AZIN2: variants seen among roughly 807,000 people sequenced by gnomAD.
AZIN2 encodes the protein ODC antizyme inhibitor-2.
In AZIN2, 28 loss-of-function variants were observed where a neutral mutation model predicts 47.8. That is an observed-to-expected ratio of 0.59 (90% CI 0.43 to 0.80). The LOEUF is 0.80. Ranked by LOEUF, AZIN2 falls within the 30% of genes least tolerant of loss-of-function variation. The probability of loss-of-function intolerance (pLI) is 0.00; values close to 1 mark genes in which losing one functional copy is unlikely to be tolerated. For missense variants in AZIN2, 535 were observed against 582.5 expected (o/e 0.92, Z 0.84); for synonymous variants, 221 against 239.4 (o/e 0.92, Z 0.71).
At chr1:33,144,299 G>A in the AZIN2 span, among the ~76,000 whole-genome samples, 1 of 152,130 alleles carries the variant, frequency 6.6e-6, no homozygotes, top group Non-Finnish European at 1.5e-5. Context: ...CACCACACCC[G>A]GCTAATTTTG....
At chr1:33,087,449 T>A (rs1392401857) in intron 5 of AZIN2, among the ~76,000 whole-genome samples, 14 of 148,460 alleles carry the variant, frequency 9.4e-5, no homozygotes, top group East Asian at 8.1e-4. Context: ...ATATATATTT[T>A]TTTTTGAGAC....
the AZIN2 span, among the ~76,000 whole-genome samples, chr1:33,129,890 GC>G: frequency 6.6e-6 from 1 of 152,088 alleles, no homozygotes; most frequent in Non-Finnish European, 1.5e-5. The surrounding 1 kb of genome is among the most constrained non-coding windows in gnomAD (Gnocchi z 4.1). Flanking sequence ...ACGGAGTTTT[GC>G]TTTTGTTGGT....
Position 33,082,174 on chromosome 1 carries a change from G to C in AZIN2, c.-72-4G>C. 8.2e-7 allele frequency: 1 copy of C among 1,221,746 alleles called. No individual in the cohort carries two copies. Among genetic ancestry groups the C allele is most frequent in the Non-Finnish European group, 1.2e-6 (1 of 841,374 alleles). The allele number at this position is 1,221,746 out of a possible 1,614,324, so 75.7% of individuals were successfully genotyped here. On this transcript the variant is annotated splice_region_variant and splice_polypyrimidine_tract_variant and intron_variant, in intron 3 of 11. Transcript: ENST00000294517. ...GGTTCCCTTCATCTCCCCTCGCCCC[G>C]CAGTGTGTTGCATACTTTCTAAGGC...
chr1:33,138,228 T>C, the AZIN2 span, among the ~76,000 whole-genome samples: 1 of 152,140 alleles, frequency 6.6e-6, no homozygotes, highest in Admixed American at 6.5e-5. Context: ...AGTAGGCTTC[T>C]AAGGTGGCCC....
intron 10 of AZIN2, among the ~76,000 whole-genome samples, chr1:33,117,213 C>T (rs578041982): frequency 6.6e-6 from 1 of 152,258 alleles, no homozygotes; most frequent in Non-Finnish European, 1.5e-5. Context: ...TGCCAGGTCC[C>T]CCTGTGATTG....
At chr1:33,102,907 C>T (rs1368947011) in intron 10 of AZIN2, among the ~76,000 whole-genome samples, 1 of 152,204 alleles carries the variant, frequency 6.6e-6, no homozygotes, top group African/African-American at 2.4e-5. Flanking sequence ...ATAGCACTGC[C>T]ACTAGCCAAC....
At chr1:33,109,794 C>A (rs372979644) in intron 10 of AZIN2, among the ~76,000 whole-genome samples, 1 of 151,934 alleles carries the variant, frequency 6.6e-6, no homozygotes. Flanking sequence ...TTGCCTCCCC[C>A]CTGCTAAACT....
chr1:33,097,481 C>T (rs1162860473), intron 9 of AZIN2, among the ~76,000 whole-genome samples: 1 of 152,162 alleles, frequency 6.6e-6, no homozygotes, highest in African/African-American at 2.4e-5. Flanking sequence ...TCAGGGATAG[C>T]AGCCTGTGAG....
the AZIN2 span, among the ~76,000 whole-genome samples, chr1:33,151,794 C>A: frequency 2.0e-5 from 3 of 152,176 alleles, no homozygotes; most frequent in African/African-American, 7.2e-5. Flanking sequence ...TGTGGAGGTC[C>A]CAGGAGATGT....
the AZIN2 span, among the ~76,000 whole-genome samples, chr1:33,156,954 C>T: frequency 5.3e-5 from 8 of 150,914 alleles, no homozygotes; most frequent in African/African-American, 2.0e-4. Flanking sequence ...CTACCACCAC[C>T]CTGCTTCACG....
chr1:33,126,082 T>C (rs1644854678), downstream of AZIN2, among the ~76,000 whole-genome samples: 1 of 152,238 alleles, frequency 6.6e-6, no homozygotes, highest in Admixed American at 6.5e-5. Context: ...TTTTCCTCCA[T>C]AGATCACTGT....
the AZIN2 span, among the ~76,000 whole-genome samples, chr1:33,152,554 T>C: frequency 1 from 146,610 of 147,034 alleles, 73,093 homozygotes; most frequent in Middle Eastern, 1. Context: ...GCAACAAGAG[T>C]GAAACTCCGT....
At chr1:33,147,571 G>T in the AZIN2 span, 1 of 1,613,986 alleles carries the variant, frequency 6.2e-7, no homozygotes, top group Non-Finnish European at 8.5e-7. The surrounding 1 kb of genome is among the most constrained non-coding windows in gnomAD (Gnocchi z 8.1). Flanking sequence ...ACTACTGAAG[G>T]CTTCAGAACC....
chr1:33,117,892 C>T lies in AZIN2; in HGVS notation c.1030-10C>T. 1.9e-6 allele frequency: 3 copies of T among 1,614,210 alleles called. No individual in the cohort carries two copies. Among genetic ancestry groups the T allele is most frequent in the Non-Finnish European group, 2.5e-6 (3 of 1,180,008 alleles). On this transcript the variant is annotated splice_polypyrimidine_tract_variant and intron_variant, in intron 10 of 11. Transcript: ENST00000294517. ...AGGAGAGCTGGCATGGCCATCCCTT[C>T]TTCCTACAGAAACCATCCACGGAGC...
rs768733447 is a variant in AZIN2, at chr1:33,092,041, G to A, written c.280-9G>A. On this transcript the variant is annotated splice_polypyrimidine_tract_variant and intron_variant, in intron 5 of 11. Transcript: ENST00000294517. ...GTGCCTCCTTACAACCACCTTTGGG[G>A]CCCCATAGGCAGAGATGGAGTTGGT... 6.2e-7 allele frequency: 1 copy of A among 1,611,928 alleles called. No individual in the cohort carries two copies. The highest frequency in any genetic ancestry group is 1.1e-5 in the South Asian group (1 of 90,776).
intron 10 of AZIN2, among the ~76,000 whole-genome samples, chr1:33,117,279 G>C (rs1644589062): frequency 6.6e-6 from 1 of 152,138 alleles, no homozygotes; most frequent in African/African-American, 2.4e-5. Flanking sequence ...GGTGAGTCTA[G>C]CCTGGTATAC....
chr1:33,121,672 A>G lies in AZIN2; in HGVS notation c.*1490A>G, dbSNP rs1049507472. 6.6e-6 allele frequency among the ~76,000 whole-genome samples: 1 copy of G among 152,236 alleles called. No individual in the cohort carries two copies. Among genetic ancestry groups the G allele is most frequent in the Admixed American group, 6.5e-5 (1 of 15,290 alleles). On this transcript the variant is annotated 3_prime_UTR_variant, in exon 12 of 12. Coordinates refer to ENST00000294517, the MANE Select transcript of AZIN2 (RefSeq NM_052998.4). ...CACCCTAGAAAGAAATCCCATACCC[A>G]TTAGCAGTCACTCTCCATTTTTCCC... is the stretch of plus-strand genomic sequence containing the variant.
chr1:33,136,327 T>TTTCC, the AZIN2 span, among the ~76,000 whole-genome samples: 4 of 149,406 alleles, frequency 2.7e-5, no homozygotes, highest in East Asian at 2.0e-4. Context: ...TTTTTCTTTC[T>TTTCC]TTCCTTCCTT....
chr1:33,165,295 T>A, the AZIN2 span: 1 of 556,610 alleles, frequency 1.8e-6, no homozygotes, highest in Non-Finnish European at 3.2e-6. The surrounding 1 kb of genome is among the most constrained non-coding windows in gnomAD (Gnocchi z 4.0). Context: ...CCCATTGAAC[T>A]TCACGGATGC....
Sources: gnomAD v4.1 joint callset for allele counts (sites outside exome capture counted in the v4.1 genomes callset) on GRCh38, gnomAD v4.1.1 for gene constraint, Gnocchi (gnomAD v3.1) non-coding constraint, MANE v1.5 for transcripts, NCBI Gene and HGNC (gene_info 2026-07-23, HGNC 2026-07-21) for gene names.